The following ME2 variants were observed in gnomAD, a reference collection of about 807,000 sequenced individuals.
ME2 encodes the protein NAD-dependent malic enzyme, mitochondrial.
A neutral mutation model predicts 73.7 loss-of-function variants in ME2; 60 were observed. The ratio of observed to expected loss-of-function variants is 0.81; its 90% CI spans 0.66 to 1.01. The LOEUF is 1.01. Among genes scored for constraint, ME2 ranks in the 50% least tolerant of loss-of-function variants. The probability of loss-of-function intolerance (pLI) is 0.00; values close to 1 mark genes in which losing one functional copy is unlikely to be tolerated. For missense variants in ME2, 594 were observed against 705.5 expected (o/e 0.84, Z 1.79); for synonymous variants, 199 against 236.9 (o/e 0.84, Z 1.47).
chr18:50,925,393 C>G (rs953345710), intron 11 of ME2, among the ~76,000 whole-genome samples: 3 of 152,172 alleles, frequency 2.0e-5, no homozygotes, highest in African/African-American at 7.2e-5. Flanking sequence ...GCACGAGAAT[C>G]ACTTGAACCC....
At chr18:50,928,299 G>A (rs1276570332) in intron 12 of ME2, among the ~76,000 whole-genome samples, 2 of 148,988 alleles carry the variant, frequency 1.3e-5, no homozygotes, top group East Asian at 2.0e-4. Context: ...AGGCTAGAGT[G>A]CAGTGGCGTC....
chr18:50,924,356 T>A, intron 11 of ME2, 144 bp downstream of exon 11: 1 of 582,864 alleles, frequency 1.7e-6, no homozygotes, highest in African/African-American at 1.9e-5. Context: ...ACTTTTTGGT[T>A]ACCATGCATG....
intron 1 of ME2, among the ~76,000 whole-genome samples, chr18:50,890,417 A>G (rs755317484): frequency 1.2e-4 from 18 of 152,192 alleles, no homozygotes; most frequent in Non-Finnish European, 1.9e-4. Context: ...CAGGGCCTCA[A>G]TGTATTATTA....
intron 2 of ME2, among the ~76,000 whole-genome samples, chr18:50,902,597 G>T (rs538380570): frequency 9.9e-5 from 15 of 151,960 alleles, no homozygotes; most frequent in African/African-American, 3.6e-4. Context: ...GGGTTTCAGC[G>T]TGTTGTCCAG....
chr18:50,912,732 C>G, intron 3 of ME2, 69 bp from the exon 4 acceptor site: 2 of 1,265,660 alleles, frequency 1.6e-6, no homozygotes, highest in Non-Finnish European at 2.1e-6. Context: ...TTAGGTTTAA[C>G]TTTCATAAGC....
In ME2 at chr18:50,948,367, T is replaced by C. The variant is rs1818064818; in HGVS notation, c.*1183T>C. On this transcript the variant is annotated 3_prime_UTR_variant, in exon 16 of 16. Transcript: ENST00000321341. Reference sequence around the variant, plus strand: ...CATATTGAAGAATTCTAAAGGAAAATATATCTGCCTACCATGCTTGCTCTT... The same window carrying C: ...CATATTGAAGAATTCTAAAGGAAAACATATCTGCCTACCATGCTTGCTCTT... 6.6e-6 allele frequency: 1 copy of C among 152,062 alleles called. No individual in the cohort carries two copies. Among genetic ancestry groups the C allele is most frequent in the African/African-American group, 2.4e-5 (1 of 41,404 alleles). The allele number at this position is 152,062 out of a possible 1,614,324, so 9.4% of individuals were successfully genotyped here.
chr18:50,936,829 A>G (rs975207340), intron 13 of ME2, among the ~76,000 whole-genome samples: 22 of 152,038 alleles, frequency 1.4e-4, no homozygotes, highest in Non-Finnish European at 1.8e-4. Context: ...TACTCCAGAC[A>G]CCGAGGACAG....
chr18:50,928,779 C>T (rs930447113), intron 12 of ME2, among the ~76,000 whole-genome samples: 5 of 152,172 alleles, frequency 3.3e-5, no homozygotes, highest in African/African-American at 1.2e-4. Flanking sequence ...CAGCACCTCT[C>T]ATCCTTAACG....
At position 50,947,322 on chromosome 18, in the gene ME2, C is replaced by T. The variant is rs1568178382; in HGVS notation, c.*138C>T. The stretch of plus-strand genomic sequence containing the variant: ...CTTTGGTTGATGTATTTTTTCCATG[C>T]GTCTCCACATCTGTTGGGGTAGACG... On this transcript the variant is annotated 3_prime_UTR_variant, in exon 16 of 16. Coordinates refer to ENST00000321341, the MANE Select transcript of ME2 (RefSeq NM_002396.5). The T allele has an allele frequency of 5.2e-6, 4 of 763,660 alleles. No individual in the cohort carries two copies. The highest frequency in any genetic ancestry group is 1.8e-5 in the African/African-American group (1 of 57,118). 47.3% of individuals were successfully genotyped at this position (763,660 alleles called of 1,614,324 possible).
At chr18:50,882,207 C>T (rs976935752) in intron 1 of ME2, among the ~76,000 whole-genome samples, 4 of 152,066 alleles carry the variant, frequency 2.6e-5, no homozygotes, top group African/African-American at 7.2e-5. Flanking sequence ...TCATGTTGCC[C>T]GGGCTGACCT....
intron 11 of ME2, among the ~76,000 whole-genome samples, chr18:50,924,898 T>A (rs2144244732): frequency 6.6e-6 from 1 of 151,830 alleles, no homozygotes; most frequent in Non-Finnish European, 1.5e-5. Flanking sequence ...ACCAGGCTGG[T>A]CTTGAACTCC....
chr18:50,936,121 A>G (rs1301528904), intron 13 of ME2, among the ~76,000 whole-genome samples: 1 of 152,196 alleles, frequency 6.6e-6, no homozygotes, highest in Non-Finnish European at 1.5e-5. Context: ...ATATGAAAGC[A>G]GTCAGAACAA....
rs1918108782 is a variant in ME2, at chr18:50,947,311, T to TG, written c.*127_*128insG. On this transcript the variant is annotated 3_prime_UTR_variant, in exon 16 of 16. Coordinates refer to ENST00000321341, the MANE Select transcript of ME2 (RefSeq NM_002396.5). Reference sequence around the variant, plus strand: ...CTCCCTGACCACTTTGGTTGATGTATTTTTTCCATGCGTCTCCACATCTGT... The same window carrying TG: ...CTCCCTGACCACTTTGGTTGATGTATGTTTTTCCATGCGTCTCCACATCTGT... 1.1e-6 allele frequency: 1 copy of TG among 917,540 alleles called. No individual in the cohort carries two copies. Among genetic ancestry groups the TG allele is most frequent in the African/African-American group, 1.7e-5 (1 of 59,840 alleles). 56.8% of individuals were successfully genotyped at this position (917,540 alleles called of 1,614,324 possible).
chr18:50,950,228 G>T lies in ME2; in HGVS notation c.*3044G>T, dbSNP rs898920166. 11 of 152,042 alleles carry T rather than the reference G, an allele frequency of 7.2e-5. No individual in the cohort carries two copies. Among genetic ancestry groups the T allele is most frequent in the African/African-American group, 2.7e-4 (11 of 41,402 alleles). The allele number at this position is 152,042 out of a possible 1,614,324, so 9.4% of individuals were successfully genotyped here. A position where few individuals can be genotyped will look rare whatever the true frequency, so the allele number is the denominator to read the frequency against. ...TAGTTAAAATATTTTAAAATTTTTTGATTCATAACCAAGAAGTTGCCTCAG... is the reference window on the plus strand; with the variant it reads ...TAGTTAAAATATTTTAAAATTTTTTTATTCATAACCAAGAAGTTGCCTCAG... On this transcript the variant is annotated 3_prime_UTR_variant, in exon 16 of 16. Transcript: ENST00000321341.
intron 7 of ME2, among the ~76,000 whole-genome samples, chr18:50,919,551 G>A (rs1368603252): frequency 1.3e-5 from 2 of 151,834 alleles, no homozygotes; most frequent in Admixed American, 6.6e-5. Flanking sequence ...TTTCCCAGTT[G>A]ATCCTTATCA....
In ME2 at chr18:50,939,608, A is replaced by G. The variant is rs1917898170; in HGVS notation, c.1456A>G (p.Ile486Val). Residue 486 changes from isoleucine (I) to valine (V), a missense_variant, in exon 14 of 16, where the codon ATT becomes GTT. Physicochemically the swap from Ile to Val is conservative, Grantham distance 29. Coordinates refer to ENST00000321341, the MANE Select transcript of ME2 (RefSeq NM_002396.5). Reference protein sequence around the residue: ...LAVILCNTRHISDSVFLEAAK... With the variant: ...LAVILCNTRHVSDSVFLEAAK... ...TGTTATTCTCTGTAACACCCGGCATATTAGTGACAGTGTTTTCCTAGAAGC... is the reference window on the plus strand; with the variant it reads ...TGTTATTCTCTGTAACACCCGGCATGTTAGTGACAGTGTTTTCCTAGAAGC... The G allele has an allele frequency of 6.2e-7, 1 of 1,612,620 alleles. No individual in the cohort carries two copies. Among genetic ancestry groups the G allele is most frequent in the South Asian group, 1.1e-5 (1 of 91,028 alleles).
intron 15 of ME2, among the ~76,000 whole-genome samples, chr18:50,941,681 G>GAT (rs1452007243): frequency 1.3e-5 from 1 of 79,886 alleles, no homozygotes; most frequent in African/African-American, 6.5e-5. Flanking sequence ...GGGCTGTGAT[G>GAT]GTTTTTTTTT....
chr18:50,902,184 T>A (rs2144207811), intron 2 of ME2, among the ~76,000 whole-genome samples: 1 of 152,324 alleles, frequency 6.6e-6, no homozygotes, highest in South Asian at 2.1e-4. Context: ...ACTCCTTTAT[T>A]TTGTAGATTC....
At chr18:50,939,798 T>A in intron 14 of ME2, 158 bp downstream of exon 14, 2 of 560,650 alleles carry the variant, frequency 3.6e-6, no homozygotes, top group Admixed American at 6.3e-5. Context: ...ATGCATAAAA[T>A]TAATTTTTTT....
Sources: gnomAD v4.1 joint callset for allele counts (sites outside exome capture counted in the v4.1 genomes callset) on GRCh38, gnomAD v4.1.1 for gene constraint, MANE v1.5 for transcripts, NCBI Gene and HGNC (gene_info 2026-07-23, HGNC 2026-07-21) for gene names.